The following AGBL4 variants were observed in gnomAD, a reference collection of about 807,000 sequenced individuals.
AGBL4 encodes cytosolic carboxypeptidase 6.
AGBL4 carries 58 observed loss-of-function variants against 66.4 expected under a neutral mutation model. The observed-to-expected ratio is 0.87, with a 90% CI of 0.71 to 1.09. AGBL4 has a LOEUF of 1.09. Among genes scored for constraint, AGBL4 ranks in the 50% least tolerant of loss-of-function variants. AGBL4 has a pLI of 0.00. For missense variants in AGBL4, 579 were observed against 631.0 expected (o/e 0.92, Z 0.88); for synonymous variants, 234 against 222.9 (o/e 1.05, Z -0.44).
intron 1 of AGBL4, among the ~76,000 whole-genome samples, chr1:49,896,144 A>G (rs112944172): frequency 1.3e-5 from 2 of 152,224 alleles, no homozygotes; most frequent in African/African-American, 4.8e-5. Context: ...AAAGAAAGTC[A>G]TCATGCAGTA....
At chr1:48,609,599 T>C (rs1487885190) in intron 9 of AGBL4, among the ~76,000 whole-genome samples, 1 of 152,070 alleles carries the variant, frequency 6.6e-6, no homozygotes, top group Non-Finnish European at 1.5e-5. Context: ...ATTTTTGTAT[T>C]TTTTGTACAG....
chr1:49,777,091 A>C (rs1024578907), intron 2 of AGBL4, among the ~76,000 whole-genome samples: 3 of 152,178 alleles, frequency 2.0e-5, no homozygotes, highest in Admixed American at 6.5e-5. Context: ...CATGAGATTT[A>C]AAATGCTGGA....
At chr1:49,820,948 T>C (rs1052487579) in intron 2 of AGBL4, among the ~76,000 whole-genome samples, 1 of 152,224 alleles carries the variant, frequency 6.6e-6, no homozygotes, top group Admixed American at 6.5e-5. Flanking sequence ...ACCCTAATTT[T>C]TGTCCAGGAT....
At chr1:49,409,093 C>A (rs1282020428) in intron 3 of AGBL4, among the ~76,000 whole-genome samples, 1 of 151,444 alleles carries the variant, frequency 6.6e-6, no homozygotes, top group Non-Finnish European at 1.5e-5. Context: ...CCCTTCCTTT[C>A]TCTGTCTTTT....
At chr1:49,522,757 C>T (rs1650364381) in intron 3 of AGBL4, among the ~76,000 whole-genome samples, 2 of 152,270 alleles carry the variant, frequency 1.3e-5, no homozygotes, top group Admixed American at 1.3e-4. Context: ...CCTAGCATCT[C>T]TCCCCTGAAT....
At chr1:48,672,225 G>T (rs547177195) in intron 6 of AGBL4, among the ~76,000 whole-genome samples, 2 of 152,368 alleles carry the variant, frequency 1.3e-5, no homozygotes, top group Admixed American at 1.3e-4. Flanking sequence ...GCCCTCTCCT[G>T]CTTTCCTGGC....
chr1:49,198,377 G>C (rs565176025), intron 4 of AGBL4, among the ~76,000 whole-genome samples: 1 of 152,128 alleles, frequency 6.6e-6, no homozygotes, highest in East Asian at 1.9e-4. Flanking sequence ...GTCTTGCTTT[G>C]TAGCCCAGGC....
intron 3 of AGBL4, among the ~76,000 whole-genome samples, chr1:49,589,543 A>G (rs1458718085): frequency 1.3e-5 from 2 of 152,042 alleles, no homozygotes; most frequent in Non-Finnish European, 2.9e-5. Flanking sequence ...TAGGGAAAGC[A>G]TGAAAGTTAT....
chr1:49,375,531 C>T (rs1644455297), intron 3 of AGBL4, among the ~76,000 whole-genome samples: 1 of 152,022 alleles, frequency 6.6e-6, no homozygotes, highest in African/African-American at 2.4e-5. Flanking sequence ...TCTATTAATA[C>T]ATAATGACTC....
chr1:49,614,384 T>C (rs952241290), intron 3 of AGBL4, among the ~76,000 whole-genome samples: 1 of 152,168 alleles, frequency 6.6e-6, no homozygotes, highest in African/African-American at 2.4e-5. Flanking sequence ...TGTAGTTACT[T>C]ACAGTTCACT....
intron 3 of AGBL4, among the ~76,000 whole-genome samples, chr1:49,387,880 T>A (rs1644767555): frequency 6.6e-6 from 1 of 152,030 alleles, no homozygotes. Flanking sequence ...TAAGGCAGCT[T>A]CATAAAAGGA....
At chr1:49,911,570 C>G (rs1486479984) in intron 1 of AGBL4, among the ~76,000 whole-genome samples, 2 of 152,126 alleles carry the variant, frequency 1.3e-5, no homozygotes, top group East Asian at 3.8e-4. Context: ...AGTCTAAAGT[C>G]TTTTTATGGG....
At chr1:48,945,842 T>C (rs1656455430) in intron 5 of AGBL4, among the ~76,000 whole-genome samples, 1 of 152,182 alleles carries the variant, frequency 6.6e-6, no homozygotes, top group South Asian at 2.1e-4. Flanking sequence ...AGCTGTGTGA[T>C]CATGGGAAAT....
chr1:48,979,133 T>C (rs1289741456), intron 5 of AGBL4, among the ~76,000 whole-genome samples: 1 of 152,190 alleles, frequency 6.6e-6, no homozygotes, highest in African/African-American at 2.4e-5. Flanking sequence ...TCAAATGTTA[T>C]ATTCCAATTG....
intron 6 of AGBL4, among the ~76,000 whole-genome samples, chr1:48,685,310 T>G (rs1349633550): frequency 1.3e-5 from 2 of 152,258 alleles, no homozygotes; most frequent in Non-Finnish European, 2.9e-5. Flanking sequence ...CCATGGAGCC[T>G]TAAACATCTT....
intron 3 of AGBL4, among the ~76,000 whole-genome samples, chr1:49,304,760 T>C (rs1644819823): frequency 6.6e-6 from 1 of 152,208 alleles, no homozygotes; most frequent in Non-Finnish European, 1.5e-5. Context: ...TTTACAAGAA[T>C]TGCTTTTCAA....
chr1:49,431,455 A>G (rs2148657134), intron 3 of AGBL4, among the ~76,000 whole-genome samples: 1 of 152,304 alleles, frequency 6.6e-6, no homozygotes, highest in African/African-American at 2.4e-5. Flanking sequence ...TTAAGTTTAG[A>G]CATGTCTTCA....
chr1:48,845,101 T>C (rs570981599), intron 6 of AGBL4, among the ~76,000 whole-genome samples: 21 of 152,300 alleles, frequency 1.4e-4, no homozygotes, highest in African/African-American at 4.6e-4. Context: ...AGGAAGTGAA[T>C]ATTTCTTGGA....
intron 3 of AGBL4, among the ~76,000 whole-genome samples, chr1:49,380,877 A>C (rs1239865029): frequency 6.6e-6 from 1 of 152,320 alleles, no homozygotes; most frequent in East Asian, 1.9e-4. Context: ...TGTTAGACCT[A>C]AAACCATAAA....
Sources: gnomAD v4.1 joint callset for allele counts (sites outside exome capture counted in the v4.1 genomes callset) on GRCh38, gnomAD v4.1.1 for gene constraint, MANE v1.5 for transcripts, NCBI Gene and HGNC (gene_info 2026-07-23, HGNC 2026-07-21) for gene names.